Variants in KLF8 observed in about 807,000 individuals in gnomAD.
KLF8 encodes the protein KLF transcription factor 8.
KLF8 carries 10 observed loss-of-function variants against 18.2 expected under a neutral mutation model. The observed-to-expected ratio is 0.55, with a 90% CI of 0.34 to 0.93. KLF8 has a LOEUF of 0.93. Ranked by LOEUF, KLF8 falls within the 40% of genes least tolerant of loss-of-function variation. The probability of loss-of-function intolerance (pLI) is 0.02; values close to 1 mark genes in which losing one functional copy is unlikely to be tolerated. For missense variants in KLF8, 264 were observed against 277.9 expected (o/e 0.95, Z 0.36); for synonymous variants, 109 against 97.3 (o/e 1.12, Z -0.71).
the KLF8 span, among the ~76,000 whole-genome samples, chrX:56,214,807 T>G: frequency 8.2e-3 from 916 of 111,823 alleles, 12 homozygotes; most frequent in Middle Eastern, 0.083. Context: ...GTTAAAAAAT[T>G]TACTCAGCAT....
the KLF8 span, among the ~76,000 whole-genome samples, chrX:56,112,923 G>A: frequency 9.0e-5 from 10 of 111,344 alleles, no homozygotes; most frequent in Non-Finnish European, 1.9e-4. Context: ...GTTTAAGCCA[G>A]TTGATGCAGC....
At chrX:56,196,527 A>G in the KLF8 span, among the ~76,000 whole-genome samples, 2 of 112,534 alleles carry the variant, frequency 1.8e-5, no homozygotes, top group Admixed American at 1.9e-4. Context: ...TAAAGGAATC[A>G]ATTGAACAAG....
chrX:55,910,298 T>C, the KLF8 span, among the ~76,000 whole-genome samples: 6 of 112,087 alleles, frequency 5.4e-5, no homozygotes, highest in Admixed American at 5.7e-4. Context: ...GGGGAAAATA[T>C]GCCTTCTTGG....
the KLF8 span, among the ~76,000 whole-genome samples, chrX:56,047,245 C>T: frequency 9.2e-6 from 1 of 108,744 alleles, no homozygotes; most frequent in Non-Finnish European, 1.9e-5. Context: ...ATGTATTTGT[C>T]TTTTTTGTTT....
intron 1 of KLF8, among the ~76,000 whole-genome samples, chrX:56,235,397 A>G (rs1167177419): frequency 1.0e-5 from 1 of 96,312 alleles, no homozygotes; most frequent in African/African-American, 3.8e-5. Flanking sequence ...GTGTGAGATC[A>G]TGTTTGGTAT....
the KLF8 span, among the ~76,000 whole-genome samples, chrX:56,214,307 T>A: frequency 4.1e-3 from 455 of 112,323 alleles, 2 homozygotes; most frequent in Non-Finnish European, 6.9e-3. Flanking sequence ...CAGCTTTTTC[T>A]GCCTAGAATT....
At chrX:55,987,308 T>G in the KLF8 span, among the ~76,000 whole-genome samples, 1 of 110,651 alleles carries the variant, frequency 9.0e-6, no homozygotes, top group Non-Finnish European at 1.9e-5. Flanking sequence ...CATTAACACT[T>G]CATTTAACAT....
chrX:56,265,034 C>T, intron 2 of KLF8, 146 bp from the exon 3 acceptor site: 2 of 649,202 alleles, frequency 3.1e-6, no homozygotes, highest in Non-Finnish European at 4.3e-6. Flanking sequence ...CTGTTTTTCT[C>T]TTTAGTTTAC....
chrX:56,178,277 G>A, the KLF8 span, among the ~76,000 whole-genome samples: 2 of 112,673 alleles, frequency 1.8e-5, no homozygotes, highest in African/African-American at 6.4e-5. Flanking sequence ...CTGCATAAAT[G>A]TCTTCTTTTT....
chrX:56,199,421 G>A, the KLF8 span, among the ~76,000 whole-genome samples: 1 of 111,591 alleles, frequency 9.0e-6, no homozygotes, highest in African/African-American at 3.3e-5. Context: ...ATCAAAAAGT[G>A]GACAAAGGTT....
chrX:56,086,488 G>A, the KLF8 span, among the ~76,000 whole-genome samples: 2 of 110,603 alleles, frequency 1.8e-5, no homozygotes, highest in Non-Finnish European at 3.8e-5. Flanking sequence ...AGTTCCATGA[G>A]CATTTCTAAA....
the KLF8 span, among the ~76,000 whole-genome samples, chrX:56,158,471 T>A: frequency 1.3e-4 from 15 of 111,953 alleles, no homozygotes; most frequent in Non-Finnish European, 2.4e-4. Flanking sequence ...ATCTATAAAT[T>A]CCCTTGGGGA....
the KLF8 span, among the ~76,000 whole-genome samples, chrX:56,050,668 G>T: frequency 1.8e-5 from 2 of 112,213 alleles, no homozygotes; most frequent in East Asian, 5.6e-4. Context: ...TACATTTGCT[G>T]AGGAGAGATT....
the KLF8 span, among the ~76,000 whole-genome samples, chrX:56,214,155 T>G: frequency 3.6e-5 from 4 of 110,520 alleles, no homozygotes; most frequent in Admixed American, 9.6e-5. Context: ...AGCCTGGAGT[T>G]TTTATGGGTA....
the KLF8 span, among the ~76,000 whole-genome samples, chrX:56,181,541 G>A: frequency 1.8e-5 from 2 of 111,771 alleles, no homozygotes; most frequent in Non-Finnish European, 3.8e-5. Context: ...ATTAATTCTT[G>A]CAGTTTCTTC....
chrX:56,135,025 C>A, the KLF8 span, among the ~76,000 whole-genome samples: 1 of 110,414 alleles, frequency 9.1e-6, no homozygotes, highest in Non-Finnish European at 1.9e-5. Context: ...CCTCACAAAA[C>A]AATATCATTA....
chrX:55,927,717 G>C, the KLF8 span, among the ~76,000 whole-genome samples: 1 of 112,091 alleles, frequency 8.9e-6, no homozygotes. Context: ...TTCTTTGAAA[G>C]ATCTGTTCAT....
At chrX:56,153,408 C>G in the KLF8 span, among the ~76,000 whole-genome samples, 1 of 110,630 alleles carries the variant, frequency 9.0e-6, no homozygotes, top group African/African-American at 3.3e-5. Flanking sequence ...TCTTTAATGT[C>G]TAGTTTAAAA....
chrX:55,961,752 C>A, the KLF8 span: 1 of 341,379 alleles, frequency 2.9e-6, no homozygotes. Flanking sequence ...GACCCCAAGA[C>A]TTGGTGTTTG....
Sources: gnomAD v4.1 joint callset for allele counts (sites outside exome capture counted in the v4.1 genomes callset) on GRCh38, gnomAD v4.1.1 for gene constraint, MANE v1.5 for transcripts, NCBI Gene and HGNC (gene_info 2026-07-23, HGNC 2026-07-21) for gene names.